Variants in ZNG1E observed in about 807,000 individuals in gnomAD.
ZNG1E encodes the protein Zn regulated GTPase metalloprotein activator 1E.
At chr9:65,686,524 T>C in the ZNG1E span, among the ~76,000 whole-genome samples, 5 of 151,984 alleles carry the variant, frequency 3.3e-5, no homozygotes, top group African/African-American at 1.2e-4. Flanking sequence ...TAATCCCAGT[T>C]ACTTGGGAGG....
chr9:65,693,576 G>C, the ZNG1E span: 1 of 459,348 alleles, frequency 2.2e-6, no homozygotes, highest in African/African-American at 4.6e-5. Flanking sequence ...TTTTTTTTTT[G>C]AGACAGAGTC....
chr9:65,665,353 G>A, the ZNG1E span, among the ~76,000 whole-genome samples: 1 of 152,260 alleles, frequency 6.6e-6, no homozygotes, highest in African/African-American at 2.4e-5. Flanking sequence ...AGGAGCCAAA[G>A]TACAGCTCTG....
chr9:65,731,232 T>C, the ZNG1E span: 1 of 150,660 alleles, frequency 6.6e-6, no homozygotes, highest in East Asian at 2.0e-4. Context: ...TTGTGAAGAG[T>C]AAGTCAAAAG....
At chr9:65,665,198 G>A in the ZNG1E span, among the ~76,000 whole-genome samples, 1 of 152,392 alleles carries the variant, frequency 6.6e-6, no homozygotes, top group African/African-American at 2.4e-5. Flanking sequence ...GTGTCTCCAG[G>A]GCATGTCAGA....
chr9:65,715,542 TGTA>T, the ZNG1E span, among the ~76,000 whole-genome samples: 4,484 of 143,254 alleles, frequency 0.031, 59 homozygotes, highest in African/African-American at 0.071. Flanking sequence ...CTTTTTTTAT[TGTA>T]GTAAGAACAT....
the ZNG1E span, among the ~76,000 whole-genome samples, chr9:65,721,725 T>C: frequency 1.0e-4 from 15 of 150,562 alleles, no homozygotes; most frequent in African/African-American, 3.2e-4. Flanking sequence ...AGACATTATG[T>C]CACTTTACTA....
At chr9:65,662,250 C>A in the ZNG1E span, among the ~76,000 whole-genome samples, 44 of 152,298 alleles carry the variant, frequency 2.9e-4, no homozygotes, top group African/African-American at 9.6e-4. Flanking sequence ...GACCAGTACT[C>A]CTCAAGAGTG....
chr9:65,672,265 A>G, the ZNG1E span, among the ~76,000 whole-genome samples: 8 of 149,938 alleles, frequency 5.3e-5, no homozygotes, highest in African/African-American at 1.5e-4. Flanking sequence ...AAACATTACT[A>G]TTGTTGTTGT....
chr9:65,678,449 C>CT, the ZNG1E span, among the ~76,000 whole-genome samples: 3 of 138,540 alleles, frequency 2.2e-5, no homozygotes, highest in African/African-American at 2.8e-5. Flanking sequence ...TACTAGAAAA[C>CT]TTTATTTCAG....
the ZNG1E span, among the ~76,000 whole-genome samples, chr9:65,714,406 C>T: frequency 2.3e-5 from 2 of 87,834 alleles, no homozygotes; most frequent in South Asian, 7.2e-4. Context: ...TGAGGAACTG[C>T]GTTTCTTTGG....
At chr9:65,721,651 T>G in the ZNG1E span, among the ~76,000 whole-genome samples, 1 of 150,124 alleles carries the variant, frequency 6.7e-6, no homozygotes, top group Non-Finnish European at 1.5e-5. Context: ...TACATAAGAG[T>G]AGAATAGTAT....
chr9:65,696,039 CG>C, the ZNG1E span, among the ~76,000 whole-genome samples: 1 of 109,640 alleles, frequency 9.1e-6, no homozygotes, highest in Non-Finnish European at 1.9e-5. Flanking sequence ...TCTGACTTAA[CG>C]ACCAAATGGT....
the ZNG1E span, among the ~76,000 whole-genome samples, chr9:65,677,505 A>G: frequency 2.0e-5 from 3 of 152,280 alleles, no homozygotes; most frequent in Non-Finnish European, 4.4e-5. Context: ...AAAACTTAAC[A>G]TGTCTGAAAC....
At chr9:65,720,972 T>TAAA in the ZNG1E span, among the ~76,000 whole-genome samples, 2,039 of 137,876 alleles carry the variant, frequency 0.015, 5 homozygotes, top group East Asian at 0.02. Context: ...GAATTTATGG[T>TAAA]AAAAAAAAAA....
the ZNG1E span, among the ~76,000 whole-genome samples, chr9:65,685,250 CAG>C: frequency 6.6e-6 from 1 of 152,250 alleles, no homozygotes; most frequent in Non-Finnish European, 1.5e-5. Context: ...GCTGACCAAT[CAG>C]GGTAGTAGTT....
chr9:65,722,577 C>A, the ZNG1E span, among the ~76,000 whole-genome samples: 1 of 66,586 alleles, frequency 1.5e-5, no homozygotes, highest in African/African-American at 6.5e-5. Context: ...CTCACCCAGG[C>A]TGGAGTGCAG....
At chr9:65,659,019 TG>T in the ZNG1E span, among the ~76,000 whole-genome samples, 1 of 152,022 alleles carries the variant, frequency 6.6e-6, no homozygotes, top group African/African-American at 2.4e-5. Flanking sequence ...TGAATTTTGG[TG>T]GAAAGTGGGG....
At chr9:65,719,014 A>G in the ZNG1E span, among the ~76,000 whole-genome samples, 405 of 87,900 alleles carry the variant, frequency 4.6e-3, 4 homozygotes, top group African/African-American at 0.02. Context: ...CAACAACATT[A>G]AATACTGAAC....
At chr9:65,703,916 G>T in the ZNG1E span, 1 of 929,908 alleles carries the variant, frequency 1.1e-6, no homozygotes, top group Non-Finnish European at 1.2e-6. Context: ...GCCGAAGAAT[G>T]CCCTTTAGTG....
Sources: gnomAD v4.1 joint callset for allele counts (sites outside exome capture counted in the v4.1 genomes callset) on GRCh38, gnomAD v4.1.1 for gene constraint, MANE v1.5 for transcripts, NCBI Gene and HGNC (gene_info 2026-07-23, HGNC 2026-07-21) for gene names.